ALCAM: variants seen among roughly 807,000 people sequenced by gnomAD.
ALCAM encodes the protein activated leukocyte cell adhesion molecule.
A neutral mutation model predicts 70.9 loss-of-function variants in ALCAM; 30 were observed. The ratio of observed to expected loss-of-function variants is 0.42; its 90% CI spans 0.32 to 0.57. ALCAM has a LOEUF of 0.57. Among genes scored for constraint, ALCAM ranks in the 20% least tolerant of loss-of-function variants. The pLI is 0.11. For missense variants in ALCAM, 591 were observed against 695.1 expected (o/e 0.85, Z 1.68); for synonymous variants, 249 against 242.5 (o/e 1.03, Z -0.25).
intron 6 of ALCAM, among the ~76,000 whole-genome samples, chr3:105,537,369 C>T (rs1939996586): frequency 6.6e-6 from 1 of 152,050 alleles, no homozygotes. Flanking sequence ...AAATAAACTG[C>T]CCTCCAAACT....
At chr3:105,385,495 T>A (rs1370080662) in intron 1 of ALCAM, among the ~76,000 whole-genome samples, 2 of 151,636 alleles carry the variant, frequency 1.3e-5, no homozygotes, top group Admixed American at 1.3e-4. Flanking sequence ...AGCATCATGA[T>A]GTAAAATAAA....
intron 2 of ALCAM, among the ~76,000 whole-genome samples, chr3:105,523,973 CATTT>C (rs1472343124): frequency 5.9e-5 from 9 of 152,008 alleles, no homozygotes; most frequent in Non-Finnish European, 1.3e-4. Context: ...CCTTTGTTTG[CATTT>C]ATTTATGTTT....
At chr3:105,377,467 A>G (rs1208697511) in intron 1 of ALCAM, among the ~76,000 whole-genome samples, 2 of 152,086 alleles carry the variant, frequency 1.3e-5, no homozygotes, top group Non-Finnish European at 2.9e-5. Flanking sequence ...AAAGTAAGAT[A>G]ATGCCTTTCT....
intron 1 of ALCAM, among the ~76,000 whole-genome samples, chr3:105,458,094 A>C (rs1054928751): frequency 6.6e-6 from 1 of 151,518 alleles, no homozygotes; most frequent in Non-Finnish European, 1.5e-5. Context: ...AAAAAAAAAA[A>C]CCAGCTTTAT....
At chr3:105,560,357 T>C (rs1416426681) in intron 14 of ALCAM, among the ~76,000 whole-genome samples, 1 of 152,196 alleles carries the variant, frequency 6.6e-6, no homozygotes, top group Non-Finnish European at 1.5e-5. Flanking sequence ...ACTATTCAAA[T>C]CTTGTGCCTA....
chr3:105,477,569 T>G (rs1938154531), intron 1 of ALCAM, among the ~76,000 whole-genome samples: 1 of 152,124 alleles, frequency 6.6e-6, no homozygotes, highest in Admixed American at 6.6e-5. Context: ...TGTGCCTAAG[T>G]TTGGCTTTGT....
At chr3:105,467,526 G>A (rs1294285031) in intron 1 of ALCAM, among the ~76,000 whole-genome samples, 1 of 151,096 alleles carries the variant, frequency 6.6e-6, no homozygotes, top group East Asian at 1.9e-4. Context: ...CTCCTAATGA[G>A]ATGTTAACTT....
chr3:105,551,935 T>C (rs1559653836), intron 12 of ALCAM, among the ~76,000 whole-genome samples: 1 of 151,576 alleles, frequency 6.6e-6, no homozygotes, highest in Non-Finnish European at 1.5e-5. Flanking sequence ...TTAATATCTT[T>C]GCAGTTGTAG....
At chr3:105,528,678 A>T (rs1559823011) in intron 3 of ALCAM, among the ~76,000 whole-genome samples, 1 of 152,144 alleles carries the variant, frequency 6.6e-6, no homozygotes, top group African/African-American at 2.4e-5. Flanking sequence ...GAGCTAAATG[A>T]TGAGAACACA....
chr3:105,484,527 AG>A, intron 1 of ALCAM, among the ~76,000 whole-genome samples: 1 of 152,200 alleles, frequency 6.6e-6, no homozygotes, highest in East Asian at 1.9e-4. Flanking sequence ...GGGAGGAAAT[AG>A]TCTATTGATT....
At chr3:105,541,596 C>A (rs778135379) in intron 7 of ALCAM, 37 bp from the exon 8 acceptor site, 2 of 1,603,170 alleles carry the variant, frequency 1.2e-6, no homozygotes, top group Non-Finnish European at 1.7e-6. Flanking sequence ...TTGTAGCGAC[C>A]AAGTATAATC....
At chr3:105,483,734 G>A (rs996787989) in intron 1 of ALCAM, among the ~76,000 whole-genome samples, 1 of 152,128 alleles carries the variant, frequency 6.6e-6, no homozygotes, top group African/African-American at 2.4e-5. Flanking sequence ...GAAGGATCAT[G>A]CAGGAGATCA....
At chr3:105,573,054 A>G (rs1940889145) in intron 15 of ALCAM, among the ~76,000 whole-genome samples, 1 of 152,166 alleles carries the variant, frequency 6.6e-6, no homozygotes, top group Non-Finnish European at 1.5e-5. Flanking sequence ...GGTATAGGCA[A>G]TGGCTCACGC....
intron 1 of ALCAM, among the ~76,000 whole-genome samples, chr3:105,495,103 C>T (rs193141698): frequency 6.2e-4 from 95 of 152,232 alleles, no homozygotes; most frequent in Admixed American, 1.4e-3. Context: ...TCTTTTTGCC[C>T]GGAAGCTTTG....
intron 3 of ALCAM, among the ~76,000 whole-genome samples, chr3:105,527,579 T>C (rs1016103214): frequency 6.6e-6 from 1 of 151,580 alleles, no homozygotes; most frequent in African/African-American, 2.4e-5. Flanking sequence ...TCAAAGTTTT[T>C]CATGATAATT....
intron 1 of ALCAM, among the ~76,000 whole-genome samples, chr3:105,389,313 G>A (rs562565635): frequency 2.0e-5 from 3 of 147,244 alleles, no homozygotes; most frequent in Non-Finnish European, 3.0e-5. Context: ...TGCTTAAAAC[G>A]GAATGTGTTT....
chr3:105,554,724 G>C (rs1275983786), intron 14 of ALCAM, among the ~76,000 whole-genome samples: 2 of 151,926 alleles, frequency 1.3e-5, no homozygotes, highest in Non-Finnish European at 2.9e-5. Context: ...GTTGCCCAGA[G>C]GCAACATCCA....
At chr3:105,368,307 C>G (rs1438363232) in intron 1 of ALCAM, among the ~76,000 whole-genome samples, 1 of 140,394 alleles carries the variant, frequency 7.1e-6, no homozygotes, top group East Asian at 2.3e-4. Flanking sequence ...TCGGGAAATC[C>G]CTTTCCACAC....
chr3:105,390,319 G>A (rs1388449876), intron 1 of ALCAM, among the ~76,000 whole-genome samples: 1 of 152,010 alleles, frequency 6.6e-6, no homozygotes, highest in Non-Finnish European at 1.5e-5. Flanking sequence ...TCTCATTGTG[G>A]TTTTGATTTG....
Sources: gnomAD v4.1 joint callset for allele counts (sites outside exome capture counted in the v4.1 genomes callset) on GRCh38, gnomAD v4.1.1 for gene constraint, MANE v1.5 for transcripts, NCBI Gene and HGNC (gene_info 2026-07-23, HGNC 2026-07-21) for gene names.